Variants in PLEKHG1 observed in about 807,000 individuals in gnomAD.
PLEKHG1 encodes the protein pleckstrin homology domain-containing family G member 1.
In PLEKHG1, 44 loss-of-function variants were observed where a neutral mutation model predicts 100.8. The observed-to-expected ratio is 0.44, with a 90% CI of 0.34 to 0.56. The LOEUF (loss-of-function observed/expected upper bound fraction) is 0.56. PLEKHG1 is among the 20% of genes least tolerant of loss of function. The pLI, the probability that PLEKHG1 is intolerant of heterozygous loss-of-function variation, is 0.01. For missense variants in PLEKHG1, 1,545 were observed against 1,720.9 expected (o/e 0.90, Z 1.81); for synonymous variants, 640 against 662.5 (o/e 0.97, Z 0.52).
intron 3 of PLEKHG1, among the ~76,000 whole-genome samples, chr6:150,696,227 G>C (rs941525319): frequency 6.6e-6 from 1 of 152,088 alleles, no homozygotes; most frequent in African/African-American, 2.4e-5. Context: ...AAAGTCCCTG[G>C]GAAGCCTGGC....
intron 1 of PLEKHG1, among the ~76,000 whole-genome samples, chr6:150,628,577 C>CACACACACACATA (rs3046186): frequency 6.8e-6 from 1 of 147,314 alleles, no homozygotes; most frequent in South Asian, 2.1e-4. Flanking sequence ...CACACACACA[C>CACACACACACATA]CCCGTCCTTG....
exon 12 of PLEKHG1, chr6:150,819,749 T>C: frequency 6.2e-7 from 1 of 1,607,704 alleles, no homozygotes; most frequent in Non-Finnish European, 8.5e-7. Flanking sequence ...AAGGTTCTGC[T>C]CCATATCGGC....
chr6:150,708,821 A>T (rs1295641169), intron 3 of PLEKHG1, among the ~76,000 whole-genome samples: 1 of 152,222 alleles, frequency 6.6e-6, no homozygotes, highest in East Asian at 1.9e-4. Flanking sequence ...ACAAATGATG[A>T]CAATACCCCT....
At chr6:150,740,502 A>G (rs1386222867) in intron 2 of PLEKHG1, among the ~76,000 whole-genome samples, 2 of 152,222 alleles carry the variant, frequency 1.3e-5, no homozygotes, top group African/African-American at 2.4e-5. Flanking sequence ...TCTTCTCTCC[A>G]TATTTTCCCT....
chr6:150,779,990 G>C (rs2128647126), intron 3 of PLEKHG1, among the ~76,000 whole-genome samples: 1 of 151,456 alleles, frequency 6.6e-6, no homozygotes, highest in South Asian at 2.1e-4. Context: ...ATAACATGAT[G>C]GAGTCCGCTC....
rs139399998 is a variant in PLEKHG1 at position 150,621,837 on chromosome 6, C to T, written c.-203-16243C>T. Among the ~76,000 whole-genome samples the T allele has an allele frequency of 2.5e-3, 382 of 152,306 alleles. 2 individuals carry two copies. The highest frequency in any genetic ancestry group is 4.7e-4 in the Non-Finnish European group (32 of 68,038). ...TGTACATCTGTCATCATTTGTGCTA[C>T]ACATCTTGTTCTGTTTACTTCGATG... On this transcript the variant is annotated intron_variant, in intron 1 of 3. Coordinates refer to the PLEKHG1 transcript ENST00000367326.
intron 3 of PLEKHG1, among the ~76,000 whole-genome samples, chr6:150,774,997 C>T (rs1784890846): frequency 6.6e-6 from 1 of 151,978 alleles, no homozygotes; most frequent in Non-Finnish European, 1.5e-5. Flanking sequence ...TTCACAAAAT[C>T]TTCCATCATG....
chr6:150,641,876 C>CAAAA (rs71554473), intron 2 of PLEKHG1, among the ~76,000 whole-genome samples: 2,340 of 76,738 alleles, frequency 0.03, 60 homozygotes, highest in Middle Eastern at 0.043. Context: ...TGTGAAAAGG[C>CAAAA]AAAAAAAAAA....
chr6:150,733,492 GTATT>G (rs780130399), intron 1 of PLEKHG1, 88 bp from the exon 3 acceptor site: 45 of 1,123,262 alleles, frequency 4.0e-5, no homozygotes, highest in Non-Finnish European at 5.4e-5. Context: ...GTTATTGACT[GTATT>G]TATTTGAGCT....
At chr6:150,804,152 A>AC (rs1562532190) in intron 6 of PLEKHG1, among the ~76,000 whole-genome samples, 3 of 33,914 alleles carry the variant, frequency 8.8e-5, no homozygotes, top group African/African-American at 4.1e-4. Context: ...GTGTGTAAAT[A>AC]TTTTATATAT....
rs147587710 is a variant in PLEKHG1 at position 150,688,558 on chromosome 6, G to A, written c.-99+37772G>A. On this transcript the variant is annotated intron_variant, in intron 3 of 3. Coordinates refer to the PLEKHG1 transcript ENST00000367326. Reference sequence around the variant, plus strand: ...GCTAGTCTTGAACTCCTGACCTCAGGTGATCCACCTGCGTTGGCCTCCCAA... The same window carrying A: ...GCTAGTCTTGAACTCCTGACCTCAGATGATCCACCTGCGTTGGCCTCCCAA... Among the ~76,000 whole-genome samples, 266 of 152,162 alleles carry A rather than the reference G, an allele frequency of 1.7e-3. 2 individuals carry two copies. The highest frequency in any genetic ancestry group is 6.1e-3 in the African/African-American group (254 of 41,496).
chr6:150,631,562 GA>G (rs1361248441), intron 1 of PLEKHG1, among the ~76,000 whole-genome samples: 3 of 152,222 alleles, frequency 2.0e-5, no homozygotes, highest in African/African-American at 4.8e-5. Context: ...CAATATGCTG[GA>G]AGTAACTGAA....
intron 14 of PLEKHG1, chr6:150,827,867 A>T: frequency 1.4e-6 from 2 of 1,457,964 alleles, no homozygotes; most frequent in Non-Finnish European, 1.9e-6. Context: ...AGGAGGATGA[A>T]TGTGCTATTG....
At chr6:150,796,584 C>A (rs1786347926) in intron 5 of PLEKHG1, among the ~76,000 whole-genome samples, 1 of 152,174 alleles carries the variant, frequency 6.6e-6, no homozygotes, top group South Asian at 2.1e-4. Flanking sequence ...CTTACTAATT[C>A]CTAAGCCCTG....
At chr6:150,669,593 CTTTTTTTTT>C (rs1214928577) in intron 3 of PLEKHG1, among the ~76,000 whole-genome samples, 1 of 127,614 alleles carries the variant, frequency 7.8e-6, no homozygotes, top group Non-Finnish European at 1.7e-5. Flanking sequence ...AAGAATTATT[CTTTTTTTTT>C]TTTTTTTTTT....
chr6:150,786,338 C>A, intron 3 of PLEKHG1, 52 bp from the exon 5 acceptor site: 2 of 1,137,152 alleles, frequency 1.8e-6, no homozygotes, highest in Non-Finnish European at 2.6e-6. Context: ...ACAAAATGTA[C>A]TCACCCAGAA....
At chr6:150,765,934 A>T (rs887222144) in intron 2 of PLEKHG1, among the ~76,000 whole-genome samples, 1 of 152,218 alleles carries the variant, frequency 6.6e-6, no homozygotes, top group African/African-American at 2.4e-5. Flanking sequence ...GCTCCTGCCC[A>T]CTTCCCATAC....
intron 2 of PLEKHG1, among the ~76,000 whole-genome samples, chr6:150,644,332 G>GGGTTTTTTTTTTTTTTTTTTTTTTTTT (rs1562404967): frequency 5.2e-5 from 5 of 96,558 alleles, no homozygotes; most frequent in South Asian, 3.4e-4. Flanking sequence ...TTTTCTTTTC[G>GGGTTTTTTTTTTTTTTTTTTTTTTTTT]TGTTTTTTTT....
chr6:150,809,523 A>T, intron 9 of PLEKHG1, 47 bp downstream of exon 10: 1 of 1,528,548 alleles, frequency 6.5e-7, no homozygotes. Flanking sequence ...TTGTGTAATG[A>T]TGAGTGCTGT....
Sources: allele counts gnomAD v4.1 joint callset (sites outside exome capture counted in the v4.1 genomes callset), GRCh38; gene constraint gnomAD v4.1.1; transcripts MANE v1.5; gene names NCBI Gene and HGNC (gene_info 2026-07-23, HGNC 2026-07-21).